The following COL25A1 variants were observed in gnomAD, a reference collection of about 807,000 sequenced individuals.
The protein encoded by COL25A1 is collagen type XXV alpha 1 chain.
COL25A1 carries 103 observed loss-of-function variants against 128.4 expected under a neutral mutation model. The ratio of observed to expected loss-of-function variants is 0.80; its 90% confidence interval spans 0.68 to 0.94. COL25A1 has a LOEUF of 0.94. Among genes scored for constraint, COL25A1 ranks in the 40% least tolerant of loss-of-function variants. COL25A1 has a pLI of 0.00. For missense variants in COL25A1, 745 were observed against 840.0 expected (o/e 0.89, Z 1.40); for synonymous variants, 279 against 277.2 (o/e 1.01, Z -0.06).
At chr4:109,137,093 G>A (rs1173149232) in intron 3 of COL25A1, among the ~76,000 whole-genome samples, 3 of 152,200 alleles carry the variant, frequency 2.0e-5, no homozygotes, top group Admixed American at 6.5e-5. Flanking sequence ...ATAAATGTGA[G>A]TTGTTTCCAG....
At chr4:108,827,228 C>A (rs1321983286) in intron 32 of COL25A1, 40 bp from the exon 33 acceptor site, 2 of 1,518,526 alleles carry the variant, frequency 1.3e-6, no homozygotes, top group South Asian at 1.1e-5. Context: ...TACACACCCA[C>A]CTACATTCAC....
intron 3 of COL25A1, among the ~76,000 whole-genome samples, chr4:109,300,052 AT>A (rs1267462853): frequency 6.6e-6 from 1 of 152,032 alleles, no homozygotes; most frequent in Non-Finnish European, 1.5e-5. Flanking sequence ...TAAAGAAATC[AT>A]TTTCTTTCAG....
intron 3 of COL25A1, among the ~76,000 whole-genome samples, chr4:109,101,152 T>C (rs1765855119): frequency 6.6e-6 from 1 of 152,156 alleles, no homozygotes; most frequent in Admixed American, 6.5e-5. Context: ...TGTCACGGAA[T>C]TGTCTTGGCC....
intron 3 of COL25A1, among the ~76,000 whole-genome samples, chr4:109,065,613 AT>A (rs1762383294): frequency 6.6e-6 from 1 of 150,764 alleles, no homozygotes; most frequent in Admixed American, 6.6e-5. Context: ...TAAGAAATAA[AT>A]TTTTTCTCCC....
chr4:108,870,620 T>C (rs1263914752), intron 19 of COL25A1, among the ~76,000 whole-genome samples: 2 of 152,220 alleles, frequency 1.3e-5, no homozygotes, highest in Non-Finnish European at 2.9e-5. Context: ...ATCTGAACTA[T>C]ATTCAGAGAA....
intron 8 of COL25A1, chr4:108,942,199 A>G (rs1748194200): frequency 3.2e-6 from 5 of 1,550,130 alleles, no homozygotes; most frequent in Non-Finnish European, 4.4e-6. Flanking sequence ...CATGAGTGAC[A>G]ACCACAAACC....
chr4:109,230,635 T>C (rs995849311), intron 3 of COL25A1, among the ~76,000 whole-genome samples: 6 of 152,166 alleles, frequency 3.9e-5, no homozygotes, highest in East Asian at 1.9e-4. Context: ...TCTATGCCAA[T>C]GTCAGAATGC....
intron 3 of COL25A1, among the ~76,000 whole-genome samples, chr4:109,157,626 T>A (rs574715582): frequency 4.6e-5 from 7 of 152,340 alleles, no homozygotes; most frequent in Non-Finnish European, 1.0e-4. Flanking sequence ...TTCAAAAGCA[T>A]GTTAATACTC....
At chr4:109,223,331 G>A (rs1456795180) in intron 3 of COL25A1, among the ~76,000 whole-genome samples, 1 of 151,964 alleles carries the variant, frequency 6.6e-6, no homozygotes, top group Admixed American at 6.6e-5. Flanking sequence ...TTACTGTTGT[G>A]TACTCTTAGA....
rs1764049629 is a variant in COL25A1, at chr4:109,083,461, T to TAA, written c.368-33283_368-33282insTT. On this transcript the variant is annotated intron_variant, in intron 3 of 37. Transcript: ENST00000399132. The stretch of plus-strand genomic sequence containing the variant: ...TACACTAAATAAATTTTTTTTTTTT[T>TAA]TTTTTTTTTTTTTTTTTTTGAGACG... 2.4e-5 allele frequency among the ~76,000 whole-genome samples: 3 copies of TAA among 123,120 alleles called. No individual in the cohort carries two copies. In the Admixed American group the frequency reaches 2.6e-4, roughly 11 times the overall value. 80.8% of individuals were successfully genotyped at this position (123,120 alleles called of 152,430 possible).
At chr4:108,861,500 A>G (rs1737220536) in intron 22 of COL25A1, among the ~76,000 whole-genome samples, 1 of 152,186 alleles carries the variant, frequency 6.6e-6, no homozygotes, top group African/African-American at 2.4e-5. Context: ...ATCTGTAGGT[A>G]TAGGCATTTT....
At chr4:108,853,533 T>C (rs1736086092) in intron 24 of COL25A1, among the ~76,000 whole-genome samples, 1 of 152,126 alleles carries the variant, frequency 6.6e-6, no homozygotes, top group Non-Finnish European at 1.5e-5. Flanking sequence ...ATTGATTTAT[T>C]ATACTTAAGT....
Position 108,889,416 on chromosome 4 carries a change from GA to G in COL25A1, c.940-161del, listed in dbSNP as rs879188317. On this transcript the variant is annotated intron_variant, in intron 17 of 37. Transcript: ENST00000399132. ...GACTCTACATCTCACTAGACATACG[GA>G]TTTTTTTTTTTTTTTTTTTTGCTGT... Among the ~76,000 whole-genome samples, 9 of 112,248 alleles carry G rather than the reference GA, an allele frequency of 8.0e-5. 1 individual carries two copies. The highest frequency in any genetic ancestry group is 7.3e-4 in the South Asian group (2 of 2,732). 73.6% of individuals were successfully genotyped at this position (112,248 alleles called of 152,430 possible). A position where few individuals can be genotyped will look rare whatever the true frequency, so the allele number is the denominator to read the frequency against.
intron 8 of COL25A1, among the ~76,000 whole-genome samples, chr4:108,968,587 C>A (rs1177900762): frequency 6.6e-6 from 1 of 151,862 alleles, no homozygotes; most frequent in Non-Finnish European, 1.5e-5. Flanking sequence ...TTCCTCATCC[C>A]ACTCCGTAAG....
intron 8 of COL25A1, among the ~76,000 whole-genome samples, chr4:108,966,118 C>T (rs1360886962): frequency 6.6e-6 from 1 of 152,182 alleles, no homozygotes; most frequent in Non-Finnish European, 1.5e-5. Context: ...GGGGGGCCAA[C>T]ATTGCCCTGC....
At chr4:109,247,817 G>A (rs1780375004) in intron 3 of COL25A1, among the ~76,000 whole-genome samples, 1 of 152,088 alleles carries the variant, frequency 6.6e-6, no homozygotes, top group Admixed American at 6.6e-5. Context: ...ATGACACCAA[G>A]AGGAAGAATA....
chr4:108,988,788 C>A (rs1483298492), intron 6 of COL25A1, among the ~76,000 whole-genome samples: 1 of 152,236 alleles, frequency 6.6e-6, no homozygotes, highest in African/African-American at 2.4e-5. Context: ...CACATGCTCA[C>A]CATTTCTCCC....
chr4:109,129,691 T>C (rs1269129299), intron 3 of COL25A1, among the ~76,000 whole-genome samples: 1 of 152,172 alleles, frequency 6.6e-6, no homozygotes, highest in East Asian at 1.9e-4. Context: ...TCCTATTCCT[T>C]CGACAGATGT....
intron 3 of COL25A1, among the ~76,000 whole-genome samples, chr4:109,158,951 G>C (rs1241418543): frequency 6.6e-6 from 1 of 151,994 alleles, no homozygotes; most frequent in South Asian, 2.1e-4. Flanking sequence ...GGCTTTGCCT[G>C]CCAATGACAT....
Sources: allele counts gnomAD v4.1 joint callset (sites outside exome capture counted in the v4.1 genomes callset), GRCh38; gene constraint gnomAD v4.1.1; transcripts MANE v1.5; gene names NCBI Gene and HGNC (gene_info 2026-07-23, HGNC 2026-07-21).